The following MPP7 variants were observed in gnomAD, a reference collection of about 807,000 sequenced individuals.
MPP7 encodes the protein MAGUK p55 scaffold protein 7.
In MPP7, 60 loss-of-function variants were observed where a neutral mutation model predicts 76.5. The ratio of observed to expected loss-of-function variants is 0.78; its 90% confidence interval spans 0.64 to 0.97. The LOEUF (loss-of-function observed/expected upper bound fraction) is 0.97, where lower values mean the gene tolerates loss of function less well. MPP7 is among the 50% of genes least tolerant of loss of function. The pLI is 0.00. For synonymous variants in MPP7, 237 were observed against 244.5 expected, an observed-to-expected ratio of 0.97 and a Z score of 0.29; for missense variants, 641 against 694.0, an observed-to-expected ratio of 0.92 and a Z score of 0.86.
At chr10:28,167,310 C>CAAAAA (rs747188721) in intron 3 of MPP7, among the ~76,000 whole-genome samples, 1 of 67,798 alleles carries the variant, frequency 1.5e-5, no homozygotes, top group Non-Finnish European at 3.0e-5. Flanking sequence ...GGCTCTGCCT[C>CAAAAA]AAAAAAACAA....
At chr10:28,173,956 C>T (rs752121638) in intron 3 of MPP7, among the ~76,000 whole-genome samples, 17 of 152,144 alleles carry the variant, frequency 1.1e-4, no homozygotes, top group Admixed American at 2.0e-4. Flanking sequence ...CACTGTGGTA[C>T]TGACATAGCG....
At chr10:28,117,871 CAT>C (rs1363466284) in intron 11 of MPP7, among the ~76,000 whole-genome samples, 1 of 151,638 alleles carries the variant, frequency 6.6e-6, no homozygotes, top group African/African-American at 2.4e-5. Context: ...AAATAAATAA[CAT>C]ATATAAAAAC....
At chr10:28,217,983 T>C (rs1838369949) in intron 2 of MPP7, among the ~76,000 whole-genome samples, 1 of 152,210 alleles carries the variant, frequency 6.6e-6, no homozygotes, top group Non-Finnish European at 1.5e-5. Flanking sequence ...TGAGCTCTGA[T>C]TTACTAACAC....
chr10:28,222,195 C>T (rs7085924), intron 2 of MPP7, among the ~76,000 whole-genome samples: 1 of 149,380 alleles, frequency 6.7e-6, no homozygotes. Context: ...ATTTGTACTA[C>T]GATTAAAAAA....
rs187701872 is a variant in MPP7 at position 28,273,398 on chromosome 10, G to A, written c.-132+29463C>T. 5.4e-3 allele frequency among the ~76,000 whole-genome samples: 816 copies of A among 152,274 alleles called. 11 individuals carry two copies. The highest frequency in any genetic ancestry group is 0.019 in the African/African-American group (798 of 41,550). ...TAGAAAAAGAACACAGCCTACAAAAGATTAAAGGCATTCAGATCAAGGTGT... is the reference window on the plus strand; with the variant it reads ...TAGAAAAAGAACACAGCCTACAAAAAATTAAAGGCATTCAGATCAAGGTGT... On this transcript the variant is annotated intron_variant, in intron 1 of 16. Coordinates refer to ENST00000683449, the MANE Select transcript of MPP7 (RefSeq NM_001318170.2).
chr10:28,064,556 G>C (rs537883930), intron 13 of MPP7, among the ~76,000 whole-genome samples: 14 of 152,266 alleles, frequency 9.2e-5, no homozygotes, highest in African/African-American at 3.4e-4. Context: ...TGCTAAAACT[G>C]ATGTAATTGC....
intron 2 of MPP7, among the ~76,000 whole-genome samples, chr10:28,209,670 T>C (rs1053155907): frequency 6.6e-6 from 1 of 152,160 alleles, no homozygotes; most frequent in African/African-American, 2.4e-5. Flanking sequence ...TTGACAATGT[T>C]TGCCTGTCTT....
At chr10:28,139,444 C>T (rs1835443943) in intron 5 of MPP7, among the ~76,000 whole-genome samples, 1 of 152,132 alleles carries the variant, frequency 6.6e-6, no homozygotes, top group African/African-American at 2.4e-5. Flanking sequence ...CTCACACTTT[C>T]GGCCTCCAAC....
chr10:28,154,912 TC>T (rs1290639143), intron 3 of MPP7, among the ~76,000 whole-genome samples: 1 of 152,204 alleles, frequency 6.6e-6, no homozygotes, highest in Non-Finnish European at 1.5e-5. Context: ...GTTTTTTTTT[TC>T]CAGTAATTGT....
chr10:28,146,454 T>C (rs967417177), intron 5 of MPP7, among the ~76,000 whole-genome samples: 1 of 149,298 alleles, frequency 6.7e-6, no homozygotes, highest in Non-Finnish European at 1.5e-5. Flanking sequence ...CAGGCTGGAG[T>C]GCAGTGGCAC....
chr10:28,273,252 C>T (rs1218712589), intron 1 of MPP7, among the ~76,000 whole-genome samples: 1 of 152,126 alleles, frequency 6.6e-6, no homozygotes, highest in African/African-American at 2.4e-5. Context: ...ACAGTATTAG[C>T]CAGTATTAAC....
intron 13 of MPP7, among the ~76,000 whole-genome samples, chr10:28,062,609 CAGT>C (rs1280298522): frequency 2.0e-5 from 3 of 147,462 alleles, no homozygotes; most frequent in East Asian, 2.0e-4. Context: ...ATTAGAAAAG[CAGT>C]AGAATTCACA....
intron 1 of MPP7, among the ~76,000 whole-genome samples, chr10:28,265,524 A>G (rs1014510575): frequency 6.6e-6 from 1 of 152,038 alleles, no homozygotes; most frequent in Non-Finnish European, 1.5e-5. Flanking sequence ...ATGCCACTGC[A>G]CTCCAGCTTG....
chr10:28,325,953 G>T (rs1834408972), intron 2 of MPP7, among the ~76,000 whole-genome samples: 2 of 146,478 alleles, frequency 1.4e-5, no homozygotes, highest in Admixed American at 1.4e-4. Flanking sequence ...TCCAGCCAGG[G>T]TGACAGAGTG....
intron 11 of MPP7, among the ~76,000 whole-genome samples, chr10:28,111,740 A>G (rs181312279): frequency 6.6e-6 from 1 of 152,334 alleles, no homozygotes; most frequent in African/African-American, 2.4e-5. Context: ...TATTTTAGAA[A>G]GTAATCCTAA....
At chr10:28,321,738 C>T (rs1465920552) in intron 2 of MPP7, among the ~76,000 whole-genome samples, 3 of 152,064 alleles carry the variant, frequency 2.0e-5, no homozygotes, top group African/African-American at 7.2e-5. Context: ...GCATGTGCCA[C>T]CACACCCGGC....
At chr10:28,070,261 T>C (rs1352274690) in intron 12 of MPP7, among the ~76,000 whole-genome samples, 2 of 151,926 alleles carry the variant, frequency 1.3e-5, no homozygotes, top group Non-Finnish European at 2.9e-5. Context: ...TAGCCAGGCA[T>C]GGTGGCGGGT....
chr10:28,106,740 T>G (rs1165713172), intron 11 of MPP7, among the ~76,000 whole-genome samples: 2 of 152,168 alleles, frequency 1.3e-5, no homozygotes, highest in Non-Finnish European at 2.9e-5. Context: ...ATCCTTCCTC[T>G]GCTGTCAACT....
chr10:28,149,087 A>G (rs1835799305), intron 4 of MPP7, among the ~76,000 whole-genome samples: 2 of 152,340 alleles, frequency 1.3e-5, no homozygotes, highest in Middle Eastern at 6.8e-3. Context: ...TTTATTACAT[A>G]TGTGTTTTTT....
Sources: allele counts gnomAD v4.1 joint callset (sites outside exome capture counted in the v4.1 genomes callset), GRCh38; gene constraint gnomAD v4.1.1; transcripts MANE v1.5; gene names NCBI Gene and HGNC (gene_info 2026-07-23, HGNC 2026-07-21).